Variants in ACSM5 observed in about 807,000 individuals in gnomAD.
The protein encoded by ACSM5 is acyl-CoA synthetase medium chain family member 5, also known as acyl-coenzyme A synthetase ACSM5, mitochondrial.
A neutral mutation model predicts 71.6 loss-of-function variants in ACSM5; 56 were observed. That is an observed-to-expected ratio of 0.78 (90% CI 0.63 to 0.98). The LOEUF (loss-of-function observed/expected upper bound fraction) is 0.98, where lower values mean the gene tolerates loss of function less well. Ranked by LOEUF, ACSM5 falls within the 50% of genes least tolerant of loss-of-function variation. ACSM5 has a pLI of 0.00. For missense variants in ACSM5, 723 were observed against 726.0 expected (o/e 1.00, Z 0.05); for synonymous variants, 285 against 281.5 (o/e 1.01, Z -0.12).
chr16:20,419,342 A>G lies in ACSM5; in HGVS notation c.530A>G (p.Asp177Gly). 6.2e-7 allele frequency: 1 copy of G among 1,614,158 alleles called. No homozygotes were observed. Among genetic ancestry groups the G allele is most frequent in the Non-Finnish European group, 8.5e-7 (1 of 1,180,008 alleles). Residue 177 changes from aspartate (D) to glycine (G), a missense_variant, in exon 4 of 14, where the codon GAT becomes GGT. Transcript: ENST00000331849. ...AGTGACTCCCTAGCTCCAAGGGTGG[A>G]TGCCATCAGTGCCGAATGCCCCTCC... Reference protein sequence around the residue: ...ITSDSLAPRVDAISAECPSLQ... With the variant: ...ITSDSLAPRVGAISAECPSLQ...
Position 20,411,698 on chromosome 16 carries a change from G to A in ACSM5, c.204+10G>A. The A allele has an allele frequency of 1.2e-6, 2 of 1,613,440 alleles. No individual in the cohort carries two copies. The highest frequency in any genetic ancestry group is 1.7e-6 in the Non-Finnish European group (2 of 1,179,974). ...GAGTCGGCTGGAAGAGGTGAAGCCT[G>A]TTCTGTCCTAGAGTCCATCTGGGGC... On this transcript the variant is annotated intron_variant, in intron 2 of 13. Transcript: ENST00000331849.
intron 3 of ACSM5, among the ~76,000 whole-genome samples, 180 bp downstream of exon 3, chr16:20,418,449 T>A (rs775781878): frequency 6.6e-6 from 1 of 152,182 alleles, no homozygotes; most frequent in Non-Finnish European, 1.5e-5. Context: ...ATGATGTAAT[T>A]GATAAAAGCA....
chr16:20,428,853 G>GCAA (rs1967040459), intron 7 of ACSM5, among the ~76,000 whole-genome samples: 1 of 151,984 alleles, frequency 6.6e-6, no homozygotes, highest in Admixed American at 6.5e-5. Flanking sequence ...TGTACTTGCA[G>GCAA]TCACTGTTCT....
rs1967153012 is a variant in ACSM5, at chr16:20,434,235, T to C, written c.1309-2817T>C. On this transcript the variant is annotated intron_variant, in intron 10 of 13. Transcript: ENST00000331849. ...CATATTCAATAGTTTCTTCCAATAG[T>C]TTTATAATTCTGCTTTTGACATTTA... Among the ~76,000 whole-genome samples, 3 of 152,200 alleles carry C rather than the reference T, an allele frequency of 2.0e-5. No individual in the cohort carries two copies. The South Asian group carries it at 6.2e-4, about 31-fold the overall frequency.
intron 10 of ACSM5, among the ~76,000 whole-genome samples, chr16:20,435,861 C>A (rs1967181293): frequency 6.6e-6 from 1 of 152,084 alleles, no homozygotes; most frequent in African/African-American, 2.4e-5. Flanking sequence ...TCTCTTTCCT[C>A]TACTCTTGCC....
At chr16:20,432,762 A>G (rs545131776) in intron 10 of ACSM5, among the ~76,000 whole-genome samples, 6 of 150,884 alleles carry the variant, frequency 4.0e-5, no homozygotes, top group African/African-American at 1.5e-4. Context: ...TAATTTGAAA[A>G]GTTATTTGCT....
At chr16:20,430,790 T>A (rs1188996275) in intron 8 of ACSM5, among the ~76,000 whole-genome samples, 105 of 98,568 alleles carry the variant, frequency 1.1e-3, no homozygotes, top group South Asian at 2.2e-3. Context: ...AAGGAAGGAG[T>A]GAGCAAGGAA....
chr16:20,419,815 G>A (rs1966870408), intron 4 of ACSM5: 1 of 276,460 alleles, frequency 3.6e-6, no homozygotes, highest in Non-Finnish European at 7.0e-6. Flanking sequence ...TGCTATGTAA[G>A]CCTTCACCTT....
At chr16:20,438,954 T>TAAAAA (rs1275195181) in intron 12 of ACSM5, among the ~76,000 whole-genome samples, 1 of 92,724 alleles carries the variant, frequency 1.1e-5, no homozygotes, top group Non-Finnish European at 2.0e-5. Context: ...GACTCTGTCT[T>TAAAAA]AAAAAAAAAA....
In ACSM5 at chr16:20,437,366, A is replaced by G. The variant is rs368308586; in HGVS notation, c.1535A>G (p.Glu512Gly). ...AGCAGCCCAGACCCCATCAGGGGAG[A>G]GGTAACCAGTGCACCCAAGAACATG... ...VVSSPDPIRG[E>G]VVKAFIVLTP... Residue 512 changes from glutamate to glycine, a missense_variant and splice_region_variant, in exon 12 of 14, where the codon GAG becomes GGG. Glu to Gly is a moderately conservative substitution (Grantham distance 98, BLOSUM62 -2). Coordinates refer to ENST00000331849, the MANE Select transcript of ACSM5 (RefSeq NM_017888.3). 8.1e-6 allele frequency: 13 copies of G among 1,609,116 alleles called. No homozygotes were observed. The highest frequency in any genetic ancestry group is 1.1e-5 in the Non-Finnish European group (13 of 1,176,012).
At chr16:20,430,279 T>C (rs1350913579) in intron 8 of ACSM5, among the ~76,000 whole-genome samples, 4 of 151,212 alleles carry the variant, frequency 2.6e-5, no homozygotes, top group Non-Finnish European at 4.4e-5. Flanking sequence ...ACTTTTACAA[T>C]TATACCATGA....
Position 20,439,906 on chromosome 16 carries a change from A to C in ACSM5, c.1643A>C (p.Lys548Thr). The stretch of plus-strand genomic sequence containing the variant: ...GTGAAAAGGGTGACTGCTCCATACA[A>C]ATACCCCAGGAAGGTAAATATCAGG... Reference protein sequence around the residue: ...EHVKRVTAPYKYPRKVAFVSE... With the variant: ...EHVKRVTAPYTYPRKVAFVSE... Residue 548 changes from lysine to threonine, a missense_variant, in exon 13 of 14, where the codon AAA becomes ACA. By Grantham distance (78) the Lys-to-Thr change is moderately conservative. Coordinates refer to ENST00000331849, the MANE Select transcript of ACSM5 (RefSeq NM_017888.3). The C allele has an allele frequency of 6.2e-7, 1 of 1,612,286 alleles. No individual in the cohort carries two copies. The highest frequency in any genetic ancestry group is 1.3e-5 in the African/African-American group (1 of 74,978).
rs145997232 is a variant in ACSM5 at position 20,425,792 on chromosome 16, A to T, written c.921+1723A>T. Among the ~76,000 whole-genome samples the T allele has an allele frequency of 4.2e-3, 636 of 151,960 alleles. 6 individuals are homozygous for T. The highest frequency in any genetic ancestry group is 7.3e-3 in the Non-Finnish European group (494 of 67,976). ...TTTTATGGCTGAGTTGTATTCCATT[A>T]TATATATTTATATACCACACTTTCT... On this transcript the variant is annotated intron_variant, in intron 6 of 13. Transcript: ENST00000331849.
At chr16:20,421,459 G>T in intron 5 of ACSM5, 58 bp downstream of exon 5, 7 of 1,432,180 alleles carry the variant, frequency 4.9e-6, no homozygotes, top group South Asian at 1.5e-5. Flanking sequence ...TGGTCTGGAG[G>T]GGGTGGTGTG....
At chr16:20,425,332 CT>C (rs1966957915) in intron 6 of ACSM5, among the ~76,000 whole-genome samples, 1 of 152,060 alleles carries the variant, frequency 6.6e-6, no homozygotes, top group Non-Finnish European at 1.5e-5. Flanking sequence ...GGACCTCATT[CT>C]TTTTTATGGA....
chr16:20,423,480 A>G (rs1380870791), intron 5 of ACSM5, among the ~76,000 whole-genome samples: 3 of 152,228 alleles, frequency 2.0e-5, no homozygotes, highest in South Asian at 2.1e-4. Context: ...CCTATTCTCT[A>G]TAATTGCACA....
At chr16:20,421,083 T>C (rs986998855) in intron 4 of ACSM5, 175 bp from the exon 5 acceptor site, 4 of 642,858 alleles carry the variant, frequency 6.2e-6, no homozygotes, top group Non-Finnish European at 9.2e-6. Context: ...AAAAGGGTTA[T>C]AATGATAGTA....
intron 1 of ACSM5, among the ~76,000 whole-genome samples, chr16:20,410,835 T>C (rs1461582379): frequency 6.6e-6 from 1 of 152,164 alleles, no homozygotes; most frequent in East Asian, 1.9e-4. Context: ...TTTTGAGCAC[T>C]TGAAGTGTGG....
chr16:20,426,969 A>G (rs1240320102), intron 6 of ACSM5, among the ~76,000 whole-genome samples: 4 of 151,832 alleles, frequency 2.6e-5, no homozygotes, highest in African/African-American at 9.7e-5. Flanking sequence ...CTAGGACTGC[A>G]ATCATCTTAA....
Sources: allele counts gnomAD v4.1 joint callset (sites outside exome capture counted in the v4.1 genomes callset), GRCh38; gene constraint gnomAD v4.1.1; transcripts MANE v1.5; gene names NCBI Gene and HGNC (gene_info 2026-07-23, HGNC 2026-07-21).